LRP1B: variants seen among roughly 807,000 people sequenced by gnomAD.
The protein encoded by LRP1B is LDL receptor related protein 1B.
LRP1B carries 217 observed loss-of-function variants against 556.6 expected under a neutral mutation model. That is an observed-to-expected ratio of 0.39 (90% CI 0.35 to 0.44). The LOEUF is 0.44. LRP1B is among the 20% of genes least tolerant of loss of function. The pLI is 1.00. For synonymous variants in LRP1B, 2,047 were observed against 1,865.8 expected (o/e 1.10, Z -2.50); for missense variants, 5,053 against 5,620.8 (o/e 0.90, Z 3.23).
chr2:141,955,222 T>C (rs1701213164), intron 1 of LRP1B, among the ~76,000 whole-genome samples: 1 of 152,138 alleles, frequency 6.6e-6, no homozygotes, highest in Non-Finnish European at 1.5e-5. Context: ...CTCACCCTTC[T>C]CAAATGTAAC....
At chr2:141,610,359 T>G (rs930124557) in intron 2 of LRP1B, among the ~76,000 whole-genome samples, 1 of 82,596 alleles carries the variant, frequency 1.2e-5, no homozygotes, top group Non-Finnish European at 3.3e-5. Flanking sequence ...GAAACCCTAT[T>G]TCCATTACTT....
intron 43 of LRP1B, among the ~76,000 whole-genome samples, chr2:140,584,232 A>AT (rs1681893487): frequency 6.6e-6 from 1 of 152,098 alleles, no homozygotes; most frequent in Non-Finnish European, 1.5e-5. Flanking sequence ...AATATAAGTT[A>AT]TTTGAGAATT....
At chr2:141,223,382 AAG>A (rs1341869173) in intron 6 of LRP1B, among the ~76,000 whole-genome samples, 2 of 152,182 alleles carry the variant, frequency 1.3e-5, no homozygotes, top group East Asian at 3.9e-4. Context: ...CAAAGAAAGA[AAG>A]AGAGGACATA....
intron 9 of LRP1B, among the ~76,000 whole-genome samples, chr2:141,058,268 T>G (rs1342040875): frequency 6.6e-6 from 1 of 151,904 alleles, no homozygotes; most frequent in African/African-American, 2.4e-5. Context: ...AGGCTAGTTT[T>G]AATTTGAAAT....
chr2:141,355,633 C>G (rs977018621), intron 3 of LRP1B, among the ~76,000 whole-genome samples: 1 of 152,012 alleles, frequency 6.6e-6, no homozygotes, highest in Non-Finnish European at 1.5e-5. Context: ...AAGTTTGTAG[C>G]CTTCTTTTGT....
At chr2:141,082,085 G>A (rs963663236) in intron 7 of LRP1B, among the ~76,000 whole-genome samples, 5 of 151,690 alleles carry the variant, frequency 3.3e-5, no homozygotes, top group Admixed American at 1.3e-4. Context: ...TTCTCTGTGT[G>A]AAATGAAAAA....
chr2:140,712,584 A>T, intron 37 of LRP1B, among the ~76,000 whole-genome samples: 1 of 151,910 alleles, frequency 6.6e-6, no homozygotes, highest in East Asian at 1.9e-4. Flanking sequence ...AATATGTGCA[A>T]TATCCCCATA....
intron 42 of LRP1B, among the ~76,000 whole-genome samples, chr2:140,600,767 GTTTTT>G (rs61336155): frequency 0.21 from 11,985 of 56,856 alleles, 1,043 homozygotes; most frequent in Admixed American, 0.32. Flanking sequence ...GTTCTTCGGG[GTTTTT>G]TTTTTTTTTT....
intron 63 of LRP1B, among the ~76,000 whole-genome samples, chr2:140,450,104 G>GA (rs1171641138): frequency 2.0e-5 from 3 of 152,048 alleles, no homozygotes; most frequent in Non-Finnish European, 2.9e-5. Context: ...ATTTATATTG[G>GA]AAAAATCAGA....
intron 1 of LRP1B, among the ~76,000 whole-genome samples, chr2:141,884,389 G>T (rs1418647190): frequency 6.6e-6 from 1 of 151,958 alleles, no homozygotes; most frequent in African/African-American, 2.4e-5. Flanking sequence ...AAGAAAAAAA[G>T]AAAAATACAA....
rs562237967 is a variant in LRP1B, at chr2:141,618,793, C to A, written c.206-138260G>T. On this transcript the variant is annotated intron_variant, in intron 2 of 90. Transcript: ENST00000389484. ...TGGACCTAGATGGCTAAATGTCACC[C>A]TTCTGCACCTCATGTGATAGGATTA... Among the ~76,000 whole-genome samples, 8 of 152,298 alleles carry A rather than the reference C, an allele frequency of 5.3e-5. No homozygotes were observed. In the South Asian group the frequency reaches 1.7e-3, roughly 32 times the overall value.
chr2:140,784,039 G>A (rs1012418190), intron 32 of LRP1B, among the ~76,000 whole-genome samples: 11 of 152,172 alleles, frequency 7.2e-5, no homozygotes, highest in African/African-American at 2.7e-4. Flanking sequence ...ATGTGCTGAT[G>A]CTGCTGGCCC....
intron 3 of LRP1B, among the ~76,000 whole-genome samples, chr2:141,479,984 T>G (rs1224141337): frequency 6.6e-6 from 1 of 152,214 alleles, no homozygotes; most frequent in African/African-American, 2.4e-5. Flanking sequence ...GAAATACTTG[T>G]TTGACGAAGC....
At position 140,290,989 on chromosome 2, in the gene LRP1B, C is replaced by G. The variant is rs140984825; in HGVS notation, c.12967+6819G>C. On this transcript the variant is annotated intron_variant, in intron 84 of 90. Coordinates refer to ENST00000389484, the MANE Select transcript of LRP1B (RefSeq NM_018557.3). ...TGTTGTTGGCACTTGCAAATTTGGA[C>G]TAATAGTATTAATCTCAAAGGGTTG... Among the ~76,000 whole-genome samples, 64 of 151,904 alleles carry G rather than the reference C, an allele frequency of 4.2e-4. 1 individual carries two copies. In the East Asian group the frequency reaches 0.012, roughly 28 times the overall value.
chr2:141,891,783 A>G (rs1248622800), intron 1 of LRP1B, among the ~76,000 whole-genome samples: 1 of 152,076 alleles, frequency 6.6e-6, no homozygotes, highest in Non-Finnish European at 1.5e-5. Flanking sequence ...CCTTCATATT[A>G]ATAAGCATTA....
At chr2:140,429,734 G>T (rs930493123) in intron 66 of LRP1B, among the ~76,000 whole-genome samples, 2 of 152,046 alleles carry the variant, frequency 1.3e-5, no homozygotes, top group African/African-American at 4.8e-5. Context: ...TAGCCTTTCT[G>T]TCCAAACAAC....
chr2:140,394,768 C>T (rs942799677), intron 66 of LRP1B, among the ~76,000 whole-genome samples: 2 of 152,124 alleles, frequency 1.3e-5, no homozygotes, highest in African/African-American at 2.4e-5. Context: ...TTAGAAGTTT[C>T]TGTCGATAAC....
At chr2:141,926,754 T>A (rs1700343194) in intron 1 of LRP1B, among the ~76,000 whole-genome samples, 1 of 152,136 alleles carries the variant, frequency 6.6e-6, no homozygotes, top group African/African-American at 2.4e-5. Flanking sequence ...TAGATAATAT[T>A]CCTTAATTTC....
At chr2:141,670,022 G>A (rs1558793776) in intron 2 of LRP1B, among the ~76,000 whole-genome samples, 1 of 152,094 alleles carries the variant, frequency 6.6e-6, no homozygotes, top group African/African-American at 2.4e-5. Context: ...CAAAGTGCTG[G>A]GATTACAGGC....
Sources: allele counts gnomAD v4.1 joint callset (sites outside exome capture counted in the v4.1 genomes callset), GRCh38; gene constraint gnomAD v4.1.1; transcripts MANE v1.5; gene names NCBI Gene and HGNC (gene_info 2026-07-23, HGNC 2026-07-21).